ETV6: variants seen among roughly 807,000 people sequenced by gnomAD.
ETV6 encodes transcription factor ETV6.
In ETV6, 16 loss-of-function variants were observed where a neutral mutation model predicts 51.1. The ratio of observed to expected loss-of-function variants is 0.31; its 90% CI spans 0.21 to 0.48. ETV6 has a LOEUF of 0.48. Among genes scored for constraint, ETV6 ranks in the 20% least tolerant of loss-of-function variants. The pLI is 0.99. For missense variants in ETV6, 458 were observed against 594.8 expected (o/e 0.77, Z 2.39); for synonymous variants, 240 against 224.1 (o/e 1.07, Z -0.64).
At chr12:11,779,884 C>T (rs1029099042) in intron 2 of ETV6, among the ~76,000 whole-genome samples, 2 of 152,182 alleles carry the variant, frequency 1.3e-5, no homozygotes, top group African/African-American at 4.8e-5. Context: ...CATTCATTCC[C>T]TTCTGCATTT....
At chr12:11,887,301 T>C (rs1265709752) in intron 7 of ETV6, among the ~76,000 whole-genome samples, 1 of 152,186 alleles carries the variant, frequency 6.6e-6, no homozygotes, top group Non-Finnish European at 1.5e-5. Context: ...ACCTCAGTGG[T>C]TAGGCTCTTA....
At chr12:11,676,156 G>A (rs1223435029) in intron 1 of ETV6, among the ~76,000 whole-genome samples, 4 of 152,204 alleles carry the variant, frequency 2.6e-5, no homozygotes, top group African/African-American at 9.7e-5. Flanking sequence ...GAGGACAGCA[G>A]ACAGTCATTA....
At chr12:11,794,423 C>T (rs542640597) in intron 2 of ETV6, among the ~76,000 whole-genome samples, 73 of 152,306 alleles carry the variant, frequency 4.8e-4, no homozygotes, top group Non-Finnish European at 9.4e-4. Flanking sequence ...AGTGCACGCT[C>T]CAGGCGTTTG....
At chr12:11,661,410 C>T (rs574404224) in intron 1 of ETV6, among the ~76,000 whole-genome samples, 5 of 152,362 alleles carry the variant, frequency 3.3e-5, no homozygotes, top group South Asian at 4.1e-4. Flanking sequence ...TAGGTCTTGA[C>T]GGCCACTAAT....
At chr12:11,860,250 C>T (rs1479773882) in intron 4 of ETV6, among the ~76,000 whole-genome samples, 1 of 152,218 alleles carries the variant, frequency 6.6e-6, no homozygotes, top group Non-Finnish European at 1.5e-5. Flanking sequence ...TCTAGTCTTG[C>T]TGGAATCGTG....
Position 11,835,861 on chromosome 12 carries a change from A to G in ETV6, c.164-3279A>G, listed in dbSNP as rs558136658. Among the ~76,000 whole-genome samples the G allele has an allele frequency of 8.5e-5, 13 of 152,302 alleles. No individual in the cohort carries two copies. In the South Asian group the frequency reaches 2.7e-3, roughly 32 times the overall value. ...GGATAAGAGCACAGATTCTGGAACC[A>G]GATTGCCTGGGTTCAGATCTCCGCT... On this transcript the variant is annotated intron_variant, in intron 2 of 7. Transcript: ENST00000396373.
intron 2 of ETV6, among the ~76,000 whole-genome samples, chr12:11,815,644 T>C (rs949584691): frequency 6.6e-6 from 1 of 152,256 alleles, no homozygotes; most frequent in Non-Finnish European, 1.5e-5. Flanking sequence ...TGAGATGATG[T>C]GTTTGAGAGC....
intron 1 of ETV6, among the ~76,000 whole-genome samples, chr12:11,660,465 G>C (rs1055060384): frequency 6.6e-6 from 1 of 152,036 alleles, no homozygotes; most frequent in African/African-American, 2.4e-5. Context: ...CGGGTGTGGT[G>C]GTAGGTGCCT....
intron 5 of ETV6, among the ~76,000 whole-genome samples, chr12:11,872,860 G>A (rs570889527): frequency 8.5e-5 from 13 of 152,100 alleles, no homozygotes; most frequent in African/African-American, 2.7e-4. Flanking sequence ...CGGCCTCATC[G>A]GTTAGGAAGC....
intron 2 of ETV6, among the ~76,000 whole-genome samples, chr12:11,811,088 T>G (rs946297511): frequency 7.2e-5 from 11 of 152,226 alleles, no homozygotes; most frequent in Admixed American, 2.6e-4. Context: ...TTGATTCTTT[T>G]CAGGGTTTTT....
intron 2 of ETV6, among the ~76,000 whole-genome samples, chr12:11,815,855 A>C (rs924355249): frequency 5.3e-5 from 8 of 152,202 alleles, no homozygotes; most frequent in African/African-American, 1.9e-4. Context: ...GCAGTTATTG[A>C]AGGGTTTAAA....
At chr12:11,753,855 G>A (rs1024771778) in intron 2 of ETV6, among the ~76,000 whole-genome samples, 3 of 152,204 alleles carry the variant, frequency 2.0e-5, no homozygotes, top group African/African-American at 2.4e-5. Flanking sequence ...CGAAGTTGCT[G>A]CCTACTATGG....
At chr12:11,787,889 G>A (rs914581431) in intron 2 of ETV6, among the ~76,000 whole-genome samples, 2 of 152,134 alleles carry the variant, frequency 1.3e-5, no homozygotes, top group Admixed American at 6.5e-5. Context: ...AGGAAGAAAA[G>A]GAAAGAGGAG....
At chr12:11,723,122 C>A (rs1251789410) in intron 1 of ETV6, among the ~76,000 whole-genome samples, 1 of 152,132 alleles carries the variant, frequency 6.6e-6, no homozygotes, top group Non-Finnish European at 1.5e-5. Context: ...TCTCTTTGTA[C>A]CCTCGTTTTC....
chr12:11,857,275 G>C (rs999099055), intron 4 of ETV6, among the ~76,000 whole-genome samples: 1 of 152,142 alleles, frequency 6.6e-6, no homozygotes, highest in Non-Finnish European at 1.5e-5. Context: ...TCATGCCTTC[G>C]TTAGTAGCCA....
intron 2 of ETV6, among the ~76,000 whole-genome samples, chr12:11,785,400 A>G (rs1945471501): frequency 6.6e-6 from 1 of 152,152 alleles, no homozygotes; most frequent in African/African-American, 2.4e-5. Context: ...TATAACATTT[A>G]TCACCATTTG....
chr12:11,656,723 C>A (rs898828631), intron 1 of ETV6, among the ~76,000 whole-genome samples: 1 of 152,148 alleles, frequency 6.6e-6, no homozygotes, highest in Admixed American at 6.5e-5. Flanking sequence ...CTTCATGAAG[C>A]GGTTGGAAAT....
chr12:11,702,820 TC>T (rs1446018106), intron 1 of ETV6, among the ~76,000 whole-genome samples: 1 of 152,190 alleles, frequency 6.6e-6, no homozygotes, highest in Non-Finnish European at 1.5e-5. Context: ...TTACTCAGGA[TC>T]CTTAAAAGGT....
chr12:11,759,425 G>A (rs556113957), intron 2 of ETV6, among the ~76,000 whole-genome samples: 1 of 152,144 alleles, frequency 6.6e-6, no homozygotes, highest in East Asian at 1.9e-4. Flanking sequence ...TCCCTACCTG[G>A]TGCTCTGTGT....
Sources: gnomAD v4.1 joint callset for allele counts (sites outside exome capture counted in the v4.1 genomes callset) on GRCh38, gnomAD v4.1.1 for gene constraint, MANE v1.5 for transcripts, NCBI Gene and HGNC (gene_info 2026-07-23, HGNC 2026-07-21) for gene names.